PTPN9: variants seen among roughly 807,000 people sequenced by gnomAD.
PTPN9 encodes protein tyrosine phosphatase non-receptor type 9, also known as tyrosine-protein phosphatase non-receptor type 9.
A neutral mutation model predicts 69.8 loss-of-function variants in PTPN9; 26 were observed. The observed-to-expected ratio is 0.37, with a 90% CI of 0.27 to 0.52. The LOEUF (loss-of-function observed/expected upper bound fraction) is 0.52. Among genes scored for constraint, PTPN9 ranks in the 20% least tolerant of loss-of-function variants. The pLI, the probability that PTPN9 is intolerant of heterozygous loss-of-function variation, is 0.91. For synonymous variants in PTPN9, 274 were observed against 272.5 expected (o/e 1.01, Z -0.05); for missense variants, 549 against 740.3 (o/e 0.74, Z 3.00).
At chr15:75,493,970 T>C (rs1336274240) in intron 7 of PTPN9, among the ~76,000 whole-genome samples, 1 of 152,064 alleles carries the variant, frequency 6.6e-6, no homozygotes, top group African/African-American at 2.4e-5. Context: ...CCTGGCTACT[T>C]GTTTTTGTAA....
At chr15:75,543,399 A>C (rs948530923) in intron 1 of PTPN9, among the ~76,000 whole-genome samples, 10 of 152,220 alleles carry the variant, frequency 6.6e-5, no homozygotes, top group African/African-American at 2.2e-4. Flanking sequence ...CACAGAGCCG[A>C]AGCAAACTGT....
At chr15:75,564,870 G>C (rs2075119958) in intron 1 of PTPN9, among the ~76,000 whole-genome samples, 1 of 152,016 alleles carries the variant, frequency 6.6e-6, no homozygotes, top group Middle Eastern at 3.4e-3. Flanking sequence ...TTGGGAGCCT[G>C]AGGCGGGCAG....
At chr15:75,532,471 G>A (rs150834299) in intron 1 of PTPN9, among the ~76,000 whole-genome samples, 1 of 152,010 alleles carries the variant, frequency 6.6e-6, no homozygotes, top group Non-Finnish European at 1.5e-5. Context: ...AGGCATGCAG[G>A]TTTCACACAC....
intron 1 of PTPN9, among the ~76,000 whole-genome samples, chr15:75,566,828 T>C (rs922128606): frequency 1.3e-5 from 2 of 151,586 alleles, no homozygotes; most frequent in African/African-American, 4.8e-5. Flanking sequence ...TCTCTATTAA[T>C]GAGAAAAAAA....
At chr15:75,556,935 G>A (rs1015959138) in intron 1 of PTPN9, among the ~76,000 whole-genome samples, 3 of 152,104 alleles carry the variant, frequency 2.0e-5, no homozygotes, top group African/African-American at 7.2e-5. Context: ...TCAAACAAGT[G>A]GAATCACAAC....
chr15:75,521,473 A>T (rs894670417), intron 4 of PTPN9, among the ~76,000 whole-genome samples: 2 of 151,292 alleles, frequency 1.3e-5, no homozygotes, highest in Non-Finnish European at 2.9e-5. Context: ...AAAATAAAAA[A>T]AATATTTTTT....
chr15:75,551,946 AAGAATTGCT>A (rs1376934792), intron 1 of PTPN9, among the ~76,000 whole-genome samples: 1 of 150,828 alleles, frequency 6.6e-6, no homozygotes, highest in Non-Finnish European at 1.5e-5. Context: ...GCTGAGGCAG[AAGAATTGCT>A]GGAAACTGCC....
intron 4 of PTPN9, among the ~76,000 whole-genome samples, chr15:75,521,906 T>G (rs1235492627): frequency 6.6e-6 from 1 of 152,136 alleles, no homozygotes; most frequent in African/African-American, 2.4e-5. Context: ...GGATTCATCA[T>G]GTTGCCCAGG....
At chr15:75,542,171 G>A (rs917496634) in intron 1 of PTPN9, among the ~76,000 whole-genome samples, 9 of 152,134 alleles carry the variant, frequency 5.9e-5, no homozygotes, top group Admixed American at 4.6e-4. Flanking sequence ...TTCACAATGA[G>A]TTTACAAACA....
intron 1 of PTPN9, among the ~76,000 whole-genome samples, chr15:75,564,594 C>CAA (rs201990920): frequency 5.1e-4 from 52 of 102,678 alleles, no homozygotes; most frequent in Middle Eastern, 6.9e-3. Flanking sequence ...GACTACGTCT[C>CAA]AAAAAAAAAA....
At chr15:75,549,657 C>T (rs1242143423) in intron 1 of PTPN9, among the ~76,000 whole-genome samples, 4 of 152,054 alleles carry the variant, frequency 2.6e-5, no homozygotes, top group African/African-American at 9.7e-5. Context: ...AGAAAAGTAA[C>T]AGCCCATAAT....
chr15:75,529,020 T>C (rs527437646), intron 1 of PTPN9, among the ~76,000 whole-genome samples: 7 of 151,810 alleles, frequency 4.6e-5, no homozygotes, highest in African/African-American at 1.2e-4. Context: ...ATAGTCTCAC[T>C]CTGTCACCCA....
intron 10 of PTPN9, among the ~76,000 whole-genome samples, chr15:75,471,363 T>C (rs868027118): frequency 4.6e-5 from 7 of 151,912 alleles, no homozygotes; most frequent in Admixed American, 1.3e-4. Context: ...TAAACACACA[T>C]CTACTGGTAT....
chr15:75,536,955 A>G (rs2074984690), intron 1 of PTPN9, among the ~76,000 whole-genome samples: 1 of 152,170 alleles, frequency 6.6e-6, no homozygotes, highest in Non-Finnish European at 1.5e-5. Context: ...AATATCTATG[A>G]TGAATGAATG....
rs1416713349 is a variant in PTPN9 at position 75,505,946 on chromosome 15, C to T, written c.697G>A (p.Glu233Lys). ...ATTTTGACGTACCCACCCAGGTTTT[C>T]TGGAAGACACTCCCTGGGCAGATGC... ...TQHLPRECLP[E>K]NLGGYVKIDL... is the part of the protein sequence containing the mutation. The change falls in exon 7 of 13, where the codon GAA becomes AAA. Residue 233 changes from glutamate to lysine, a missense_variant. By Grantham distance (56) the Glu-to-Lys change is moderately conservative (BLOSUM62 1). Around this residue, in one of 3 missense-constraint regions of PTPN9, gnomAD observed 457 missense variants for 661.9 expected, o/e 0.69. Coordinates refer to ENST00000618819, the MANE Select transcript of PTPN9 (RefSeq NM_002833.4). 1 of 1,613,948 alleles carries T rather than the reference C, an allele frequency of 6.2e-7. No individual in the cohort carries two copies. The highest frequency in any genetic ancestry group is 1.3e-5 in the African/African-American group (1 of 74,910).
chr15:75,503,029 C>T (rs999520141), intron 7 of PTPN9, among the ~76,000 whole-genome samples: 6 of 152,194 alleles, frequency 3.9e-5, no homozygotes, highest in South Asian at 2.1e-4. Flanking sequence ...CCCAAAGTGC[C>T]GAGATTGCAG....
intron 2 of PTPN9, among the ~76,000 whole-genome samples, chr15:75,526,890 T>C (rs940595249): frequency 6.6e-6 from 1 of 152,190 alleles, no homozygotes; most frequent in Non-Finnish European, 1.5e-5. Context: ...GTCTCAATCA[T>C]TAGATGTGGC....
chr15:75,549,055 C>T (rs1360028900), intron 1 of PTPN9, among the ~76,000 whole-genome samples: 3 of 151,774 alleles, frequency 2.0e-5, no homozygotes, highest in Non-Finnish European at 4.4e-5. Context: ...AACTCCTGGG[C>T]TCAAGCAATC....
rs575101116 is a variant in PTPN9, at chr15:75,506,885, T to G, written c.640-882A>C. On this transcript the variant is annotated intron_variant, in intron 6 of 12. Coordinates refer to ENST00000618819, the MANE Select transcript of PTPN9 (RefSeq NM_002833.4). ...ATGGACCAGCACAGCTCACCTCTTC[T>G]GTGAAGTCTTTCCTGACTGCCTGAG... 2.0e-5 allele frequency among the ~76,000 whole-genome samples: 3 copies of G among 152,162 alleles called. No homozygotes were observed. The South Asian group carries it at 6.2e-4, about 32-fold the overall frequency.
Sources: allele counts gnomAD v4.1 joint callset (sites outside exome capture counted in the v4.1 genomes callset), GRCh38; gene constraint gnomAD v4.1.1; regional missense constraint gnomAD v4.1.1; transcripts MANE v1.5; gene names NCBI Gene and HGNC (gene_info 2026-07-23, HGNC 2026-07-21).